MUC5B: variants seen among roughly 807,000 people sequenced by gnomAD.
MUC5B encodes the protein mucin 5B, oligomeric mucus/gel-forming.
MUC5B carries 116 observed loss-of-function variants against 376.9 expected under a neutral mutation model. The observed-to-expected ratio is 0.31, with a 90% CI of 0.26 to 0.36. MUC5B has a LOEUF of 0.36. Among genes scored for constraint, MUC5B ranks in the 10% least tolerant of loss-of-function variants. MUC5B has a pLI of 1.00. For missense variants in MUC5B, 7,165 were observed against 7,769.9 expected (o/e 0.92, Z 2.93); for synonymous variants, 3,517 against 3,390.9 (o/e 1.04, Z -1.29).
rs1267755760 is a variant in MUC5B at position 1,251,303 on chromosome 11, C to T, written c.14423C>T (p.Thr4808Ile). Residue 4808 changes from threonine (T) to isoleucine (I), a missense_variant, in exon 31 of 49, where the codon ACA (threonine) becomes ATA (isoleucine). Physicochemically the swap from Thr to Ile is moderately conservative, Grantham distance 89. Transcript: ENST00000529681. ...ACAAGGGCCACCAATTCCACGGCCA[C>T]ACCCTCCTCCACTCTGGGGACGACC... ...TMTRATNSTA[T>I]PSSTLGTTRI... 6.2e-7 allele frequency: 1 copy of T among 1,611,866 alleles called. No individual in the cohort carries two copies. The highest frequency in any genetic ancestry group is 2.2e-5 in the East Asian group (1 of 44,874).
Position 1,246,275 on chromosome 11 carries a change from C to T in MUC5B, c.9395C>T (p.Thr3132Ile), listed in dbSNP as rs752672583. ...ACCCCCTCCTCCACTCCGGGGACGA[C>T]CTGGATCCTCACAGAGCTGACCACA... Reference protein sequence around the residue: ...MSTPSSTPGTTWILTELTTAA... With the variant: ...MSTPSSTPGTIWILTELTTAA... Residue 3132 changes from threonine to isoleucine, a missense_variant, in exon 31 of 49, where the codon ACC (threonine) becomes ATC (isoleucine). By Grantham distance (89) the Thr-to-Ile change is moderately conservative. Coordinates refer to ENST00000529681, the MANE Select transcript of MUC5B (RefSeq NM_002458.3). 9.3e-6 allele frequency: 15 copies of T among 1,611,418 alleles called. No individual in the cohort carries two copies. In the East Asian group the frequency reaches 1.1e-4, roughly 12 times the overall value.
rs1862157496 is a variant in MUC5B, at chr11:1,236,387, G to A, written c.2882G>A (p.Ser961Asn). Residue 961 changes from serine (S) to asparagine (N), a missense_variant and splice_region_variant, in exon 24 of 49, where the codon AGC becomes AAC. Transcript: ENST00000529681. ...CGGCAGCGTCTGCCTCCCCTGCAGA[G>A]CTACGAGCTGATCCTCCAAGAGGGG... ...CSKAIKLFVE[S>N]YELILQEGTF... 3 of 1,608,112 alleles carry A rather than the reference G, an allele frequency of 1.9e-6. No individual in the cohort carries two copies. Among genetic ancestry groups the A allele is most frequent in the Non-Finnish European group, 1.7e-6 (2 of 1,176,654 alleles).
chr11:1,258,625 C>A lies in MUC5B; in HGVS notation c.16593+258C>A, dbSNP rs1429024568. Among the ~76,000 whole-genome samples, 1 of 152,168 alleles carries A rather than the reference C, an allele frequency of 6.6e-6. No homozygotes were observed. Among genetic ancestry groups the A allele is most frequent in the Non-Finnish European group, 1.5e-5 (1 of 68,006 alleles). ...AGCAACAGCCTGGGGGCAGCACACA[C>A]TGGCCTGGGGTCCCCGCCTGCCCGC... On this transcript the variant is annotated intron_variant, in intron 43 of 48. Coordinates refer to ENST00000529681, the MANE Select transcript of MUC5B (RefSeq NM_002458.3). The surrounding 1 kb of genome is among the most constrained non-coding windows in gnomAD (Gnocchi z 5.5).
intron 23 of MUC5B, among the ~76,000 whole-genome samples, chr11:1,235,994 C>T (rs749054624): frequency 9.2e-5 from 14 of 152,196 alleles, no homozygotes; most frequent in Non-Finnish European, 2.1e-4. Context: ...GCCAGAGCTC[C>T]CAGGGGATAA....
Position 1,249,747 on chromosome 11 carries a change from C to T in MUC5B, c.12867C>T (p.Pro4289=). The part of the protein sequence containing the change: ...PKVLTSPATT[P]TATSSKATSS... Reference sequence around the variant, plus strand: ...TGCTGACCAGCCCGGCCACCACACCCACAGCCACCAGTTCCAAAGCCACTT... The same window carrying T: ...TGCTGACCAGCCCGGCCACCACACCTACAGCCACCAGTTCCAAAGCCACTT... Residue 4289 remains proline, a synonymous_variant, in exon 31 of 49, where the codon CCC becomes CCT. Transcript: ENST00000529681. 6.2e-7 allele frequency: 1 copy of T among 1,612,564 alleles called. No individual in the cohort carries two copies. Among genetic ancestry groups the T allele is most frequent in the Non-Finnish European group, 8.5e-7 (1 of 1,179,290 alleles).
chr11:1,227,001 G>A (rs1269882026), intron 4 of MUC5B, 30 bp from the exon 5 acceptor site: 4 of 1,591,932 alleles, frequency 2.5e-6, no homozygotes, highest in African/African-American at 1.3e-5. Context: ...GGAGAGCGGG[G>A]CCCAGGGAGA....
chr11:1,231,106 TG>T, intron 13 of MUC5B, 101 bp downstream of exon 13: 1 of 1,244,130 alleles, frequency 8.0e-7, no homozygotes. Context: ...TAGTTCTCCG[TG>T]GCCTCGGGCA....
rs1442270793 is a variant in MUC5B at position 1,242,960 on chromosome 11, C to T, written c.6080C>T (p.Ala2027Val). The T allele has an allele frequency of 4.3e-6, 7 of 1,613,238 alleles. No homozygotes were observed. The highest frequency in any genetic ancestry group is 3.3e-4 in the Middle Eastern group (2 of 6,082). ...AHTSTVLTATATTTGATGSVA... is the reference protein window; with the variant it reads ...AHTSTVLTATVTTTGATGSVA... ...ACCTCCACAGTGCTTACCGCCACGG[C>T]CACCACAACTGGGGCCACCGGCTCT... The change falls in exon 31 of 49, where the codon GCC becomes GTC. Residue 2027 changes from alanine (A) to valine (V), a missense_variant. Around this residue, in one of 31 missense-constraint regions of MUC5B, gnomAD observed 897 missense variants for 779.6 expected, o/e 1.15. Transcript: ENST00000529681.
At position 1,247,644 on chromosome 11, in the gene MUC5B, G is replaced by A. The variant is rs777397262; in HGVS notation, c.10764G>A (p.Pro3588=). 85 of 1,606,770 alleles carry A rather than the reference G, an allele frequency of 5.3e-5. 2 individuals are homozygous for A. The highest frequency in any genetic ancestry group is 9.4e-5 in the African/African-American group (7 of 74,714). ...GGCTGGACTACAGCTACCCCATGCCGGGGCCCTCTGGCGGGGACTTTGACA... is the reference window on the plus strand; with the variant it reads ...GGCTGGACTACAGCTACCCCATGCCAGGGCCCTCTGGCGGGGACTTTGACA... ...SEWLDYSYPM[P]GPSGGDFDTY... is the part of the protein sequence containing the mutation. The change falls in exon 31 of 49, where the codon CCG becomes CCA. Residue 3588 remains proline (P), a synonymous_variant. Coordinates refer to ENST00000529681, the MANE Select transcript of MUC5B (RefSeq NM_002458.3).
chr11:1,251,170 G>A lies in MUC5B; in HGVS notation c.14290G>A (p.Val4764Ile), dbSNP rs778650701. The A allele has an allele frequency of 8.8e-5, 142 of 1,609,062 alleles. 4 individuals are homozygous for A. Among genetic ancestry groups the A allele is most frequent in the Non-Finnish European group, 9.9e-5 (117 of 1,177,662 alleles). Residue 4764 changes from valine (V) to isoleucine (I), a missense_variant, in exon 31 of 49, where the codon GTC becomes ATC. Around this residue, in one of 31 missense-constraint regions of MUC5B, gnomAD observed 730 missense variants for 592.7 expected, o/e 1.23. Coordinates refer to ENST00000529681, the MANE Select transcript of MUC5B (RefSeq NM_002458.3). ...PSSTLWTTWTVPAQTTTPMST... is the reference protein window; with the variant it reads ...PSSTLWTTWTIPAQTTTPMST... ...CTCCACCCTGTGGACCACGTGGACC[G>A]TCCCAGCACAGACCACCACACCCAT...
rs190519333 is a variant in MUC5B, at chr11:1,255,510, G to A, written c.16018G>A (p.Ala5340Thr). Reference protein sequence around the residue: ...SLEAYAELCRARGVCSDWRGA... With the variant: ...SLEAYAELCRTRGVCSDWRGA... ...GGAGGCTTACGCAGAGCTCTGCCGC[G>A]CCCGGGGAGTGTGCAGTGACTGGCG... The change falls in exon 37 of 49, where the codon GCC (alanine) becomes ACC (threonine). Residue 5340 changes from alanine (A) to threonine (T), a missense_variant. This residue lies in a region of MUC5B where 842 missense variants were observed against 1,016.9 expected (regional missense o/e 0.83). Transcript: ENST00000529681. 1,454 of 1,551,966 alleles carry A rather than the reference G, an allele frequency of 9.4e-4. 12 individuals are homozygous for A. The African/African-American group carries it at 0.017, about 18-fold the overall frequency.
chr11:1,238,520 T>C (rs1294206694), intron 25 of MUC5B, among the ~76,000 whole-genome samples: 2 of 152,154 alleles, frequency 1.3e-5, no homozygotes, highest in African/African-American at 4.8e-5. Flanking sequence ...GTTTGAAACC[T>C]GTGGGCCACA....
At chr11:1,225,544 A>T in intron 1 of MUC5B, 137 bp from the exon 2 acceptor site, 1 of 744,366 alleles carries the variant, frequency 1.3e-6, no homozygotes. Context: ...GTGAGGGTGA[A>T]CCTGCAGGGC....
Position 1,248,801 on chromosome 11 carries a change from C to G in MUC5B, c.11921C>G (p.Pro3974Arg). 1.9e-6 allele frequency: 3 copies of G among 1,549,240 alleles called. No homozygotes were observed. Among genetic ancestry groups the G allele is most frequent in the Non-Finnish European group, 1.7e-6 (2 of 1,145,988 alleles). Residue 3974 changes from proline (P) to arginine (R), a missense_variant, in exon 31 of 49, where the codon CCA becomes CGA. Around this residue, in one of 31 missense-constraint regions of MUC5B, gnomAD observed 47 missense variants for 98.5 expected, o/e 0.48. Transcript: ENST00000529681. ...ACTCCAGGGACAACACCTATCCCCC[C>G]AGTGCTGACCACCACCGCCACCACA... Reference protein sequence around the residue: ...SSTPGTTPIPPVLTTTATTPA... With the variant: ...SSTPGTTPIPRVLTTTATTPA...
At position 1,233,793 on chromosome 11, in the gene MUC5B, T is replaced by C. The variant is rs748252407; in HGVS notation, c.2322T>C (p.Cys774=). ...GEVVHDEGAV[C]SCTGGKLSCL... is the part of the protein sequence containing the mutation. ...AGGCTGTGCCGTCTGTCTCTTGTAG[T>C]TCATGTACGGGTGGGAAGCTAAGCT... The change falls in exon 19 of 49, where the codon TGT becomes TGC. Residue 774 remains cysteine, a splice_region_variant and synonymous_variant. Transcript: ENST00000529681. 6.9e-6 allele frequency: 11 copies of C among 1,604,340 alleles called. No individual in the cohort carries two copies. The highest frequency in any genetic ancestry group is 7.7e-6 in the Non-Finnish European group (9 of 1,176,132).
At chr11:1,226,415 GGT>G (rs1308204023) in intron 3 of MUC5B, 139 bp downstream of exon 3, 2 of 1,305,904 alleles carry the variant, frequency 1.5e-6, no homozygotes, top group East Asian at 5.0e-5. Context: ...GCGGTCTCCT[GGT>G]CACTGGCCAC....
At chr11:1,239,204 C>T in intron 26 of MUC5B, 177 bp downstream of exon 26, 2 of 940,990 alleles carry the variant, frequency 2.1e-6, no homozygotes, top group Non-Finnish European at 1.6e-6. Context: ...TGTGCAAAAC[C>T]ACCAGACAGG....
rs373884522 is a variant in MUC5B, at chr11:1,257,540, G to A, written c.16280G>A (p.Arg5427Gln). ...CTTGATCCATTCCAGCCCGGGGAGC[G>A]GTGGGTCAGCAACTGCCAGTCCTGC... ...PDGFPKFPGE[R>Q]WVSNCQSCVC... Residue 5427 changes from arginine (R) to glutamine (Q), a missense_variant, in exon 41 of 49, where the codon CGG (arginine) becomes CAG (glutamine). This residue lies in a region of MUC5B where 842 missense variants were observed against 1,016.9 expected (regional missense o/e 0.83). Transcript: ENST00000529681. This position sits in a 1 kb window ranked among gnomAD's most constrained non-coding sequence, Gnocchi z 8.9. 192 of 1,608,392 alleles carry A rather than the reference G, an allele frequency of 1.2e-4. 1 individual carries two copies. Among genetic ancestry groups the A allele is most frequent in the South Asian group, 7.6e-4 (69 of 91,050 alleles).
chr11:1,236,992 G>A lies in MUC5B; in HGVS notation c.3125G>A (p.Arg1042Gln), dbSNP rs549257589. The A allele has an allele frequency of 3.5e-5, 55 of 1,569,598 alleles. No homozygotes were observed. The highest frequency in any genetic ancestry group is 4.1e-5 in the Non-Finnish European group (48 of 1,156,672). The change falls in exon 25 of 49, where the codon CGG (arginine) becomes CAG (glutamine). Residue 1042 changes from arginine to glutamine, a missense_variant. This residue lies in a region of MUC5B where 143 missense variants were observed against 193.2 expected (regional missense o/e 0.74). Coordinates refer to ENST00000529681, the MANE Select transcript of MUC5B (RefSeq NM_002458.3). Reference sequence around the variant, plus strand: ...ATCAATGACTTTGCCACGCGTAGCCGGTCCGTGGTGGGGGACGCACTGGAG... The same window carrying A: ...ATCAATGACTTTGCCACGCGTAGCCAGTCCGTGGTGGGGGACGCACTGGAG... ...NAINDFATRS[R>Q]SVVGDALEFG...
Sources: gnomAD v4.1 joint callset for allele counts (sites outside exome capture counted in the v4.1 genomes callset) on GRCh38, gnomAD v4.1.1 for gene constraint, gnomAD v4.1.1 regional missense constraint, Gnocchi (gnomAD v3.1) non-coding constraint, MANE v1.5 for transcripts, NCBI Gene and HGNC (gene_info 2026-07-23, HGNC 2026-07-21) for gene names.